The following NRXN1 variants were observed in gnomAD, a reference collection of about 807,000 sequenced individuals.
The protein encoded by NRXN1 is neurexin-1.
In NRXN1, 39 loss-of-function variants were observed where a neutral mutation model predicts 150.9. The observed-to-expected ratio is 0.26, with a 90% CI of 0.20 to 0.34. The LOEUF (loss-of-function observed/expected upper bound fraction) is 0.34. Ranked by LOEUF, NRXN1 falls within the 10% of genes least tolerant of loss-of-function variation. The pLI, the probability that NRXN1 is intolerant of heterozygous loss-of-function variation, is 1.00. For missense variants in NRXN1, 1,815 were observed against 1,949.9 expected (o/e 0.93, Z 1.30); for synonymous variants, 924 against 757.0 (o/e 1.22, Z -3.62).
At chr2:50,233,567 A>G (rs2065157927) in intron 18 of NRXN1, among the ~76,000 whole-genome samples, 1 of 152,090 alleles carries the variant, frequency 6.6e-6, no homozygotes, top group Non-Finnish European at 1.5e-5. Context: ...CAACTTTCTA[A>G]TTTATTGGCT....
chr2:50,438,077 G>C (rs1471272286), intron 17 of NRXN1, among the ~76,000 whole-genome samples: 2 of 151,996 alleles, frequency 1.3e-5, no homozygotes, highest in Non-Finnish European at 2.9e-5. Flanking sequence ...TTCCACCTGG[G>C]GCTCTATTTT....
intron 18 of NRXN1, among the ~76,000 whole-genome samples, chr2:50,137,304 G>A (rs918339690): frequency 2.6e-5 from 4 of 152,048 alleles, no homozygotes; most frequent in South Asian, 4.2e-4. Context: ...TTCACCAAGC[G>A]CATACTCTTA....
intron 6 of NRXN1, 63 bp downstream of exon 6, chr2:50,623,251 T>C: frequency 3.0e-6 from 4 of 1,327,936 alleles, no homozygotes; most frequent in South Asian, 1.3e-5. Flanking sequence ...AGTATTTAAG[T>C]ACCACACACA....
intron 18 of NRXN1, among the ~76,000 whole-genome samples, chr2:50,168,524 A>G (rs2059823021): frequency 6.6e-6 from 1 of 152,204 alleles, no homozygotes. Context: ...TTTACTAGAG[A>G]AGGAATAGAA....
intron 17 of NRXN1, among the ~76,000 whole-genome samples, chr2:50,416,644 T>G (rs2083559739): frequency 6.6e-6 from 1 of 152,062 alleles, no homozygotes; most frequent in Admixed American, 6.6e-5. Context: ...TGGGAAGGCC[T>G]CAGGAAATTT....
chr2:50,804,684 G>A (rs1667277301), intron 5 of NRXN1, among the ~76,000 whole-genome samples: 1 of 152,092 alleles, frequency 6.6e-6, no homozygotes, highest in East Asian at 1.9e-4. Flanking sequence ...TATGCAAAAT[G>A]TCCCCTTTTT....
intron 8 of NRXN1, among the ~76,000 whole-genome samples, chr2:50,568,231 A>G (rs1324239600): frequency 6.6e-6 from 1 of 152,158 alleles, no homozygotes; most frequent in Non-Finnish European, 1.5e-5. Context: ...ACACTGGACT[A>G]GACAAAGATT....
At chr2:50,657,832 T>C (rs1454669994) in intron 5 of NRXN1, among the ~76,000 whole-genome samples, 1 of 151,980 alleles carries the variant, frequency 6.6e-6, no homozygotes, top group Non-Finnish European at 1.5e-5. Context: ...TATCCACAAC[T>C]GAGAAAGAAA....
intron 18 of NRXN1, among the ~76,000 whole-genome samples, chr2:50,170,096 C>A (rs1051794195): frequency 5.3e-5 from 8 of 151,450 alleles, no homozygotes; most frequent in Admixed American, 5.3e-4. Flanking sequence ...GTTTATATAT[C>A]TTTATTATAC....
chr2:50,807,485 T>C (rs2105739792), intron 5 of NRXN1, among the ~76,000 whole-genome samples: 1 of 152,338 alleles, frequency 6.6e-6, no homozygotes, highest in East Asian at 1.9e-4. Flanking sequence ...CTGGACTGAA[T>C]AATTTTATAT....
chr2:50,969,581 A>C (rs1694686111), intron 2 of NRXN1, among the ~76,000 whole-genome samples: 1 of 152,198 alleles, frequency 6.6e-6, no homozygotes, highest in South Asian at 2.1e-4. Context: ...TTGATCTCTC[A>C]AAACTATTTA....
At chr2:50,390,537 G>T (rs568029960) in intron 17 of NRXN1, among the ~76,000 whole-genome samples, 1 of 152,080 alleles carries the variant, frequency 6.6e-6, no homozygotes, top group Non-Finnish European at 1.5e-5. Flanking sequence ...AGGAGACCTT[G>T]GTAAGTGTTA....
chr2:50,258,407 A>C (rs1209999913), intron 17 of NRXN1, among the ~76,000 whole-genome samples: 1 of 152,000 alleles, frequency 6.6e-6, no homozygotes, highest in African/African-American at 2.4e-5. Context: ...ATTCATCCAT[A>C]AGAAGCAACT....
rs1686115252 is a variant in NRXN1, at chr2:50,922,006, C to T, written c.821-126G>A. The T allele has an allele frequency of 6.3e-6, 3 of 475,432 alleles. No homozygotes were observed. In the East Asian group the frequency reaches 1.0e-4, roughly 16 times the overall value. The allele number at this position is 475,432 out of a possible 1,614,324, so 29.5% of individuals were successfully genotyped here. A position where few individuals can be genotyped will look rare whatever the true frequency, so the allele number is the denominator to read the frequency against. On this transcript the variant is annotated intron_variant, in intron 4 of 22. Coordinates refer to ENST00000401669, the MANE Select transcript of NRXN1 (RefSeq NM_001330078.2). ...ACTACTCTCTGAAAATTAAACAAGA[C>T]ATGAAAGTATAAACAAGGTTTTGAA...
intron 18 of NRXN1, among the ~76,000 whole-genome samples, chr2:50,226,140 T>C (rs1326587363): frequency 6.6e-6 from 1 of 152,010 alleles, no homozygotes; most frequent in Non-Finnish European, 1.5e-5. Flanking sequence ...GCTCACTAGT[T>C]GTGTGACTTT....
At chr2:50,476,882 C>T (rs369913231) in intron 15 of NRXN1, among the ~76,000 whole-genome samples, 3 of 151,862 alleles carry the variant, frequency 2.0e-5, no homozygotes, top group Admixed American at 6.6e-5. Context: ...TGACACAAAG[C>T]GATTAAGAGG....
At chr2:50,357,821 G>A (rs542497342) in intron 17 of NRXN1, among the ~76,000 whole-genome samples, 1 of 152,324 alleles carries the variant, frequency 6.6e-6, no homozygotes, top group South Asian at 2.1e-4. Context: ...CTGGTCTGCA[G>A]CTCCTAGCAA....
chr2:50,558,284 A>G (rs1668538561), intron 8 of NRXN1, among the ~76,000 whole-genome samples: 1 of 152,150 alleles, frequency 6.6e-6, no homozygotes, highest in African/African-American at 2.4e-5. Flanking sequence ...TTTCTTCATG[A>G]TCATGTCTAA....
intron 21 of NRXN1, among the ~76,000 whole-genome samples, chr2:49,956,555 GCTAC>G (rs1674985126): frequency 6.6e-6 from 1 of 152,072 alleles, no homozygotes; most frequent in South Asian, 2.1e-4. Context: ...TCCCAGAGGA[GCTAC>G]CTCAGGAAAA....
Sources: gnomAD v4.1 joint callset for allele counts (sites outside exome capture counted in the v4.1 genomes callset) on GRCh38, gnomAD v4.1.1 for gene constraint, MANE v1.5 for transcripts, NCBI Gene and HGNC (gene_info 2026-07-23, HGNC 2026-07-21) for gene names.